The following NUP88 variants were observed in gnomAD, a reference collection of about 807,000 sequenced individuals.
NUP88 encodes the protein nuclear pore complex protein Nup88.
NUP88 carries 57 observed loss-of-function variants against 93.9 expected under a neutral mutation model. That is an observed-to-expected ratio of 0.61 (90% CI 0.49 to 0.76). The LOEUF (loss-of-function observed/expected upper bound fraction) is 0.76. NUP88 is among the 30% of genes least tolerant of loss of function. The pLI is 0.00. For missense variants in NUP88, 911 were observed against 901.0 expected (o/e 1.01, Z -0.14); for synonymous variants, 346 against 336.8 (o/e 1.03, Z -0.30).
intron 5 of NUP88, among the ~76,000 whole-genome samples, chr17:5,407,866 ACT>A (rs1913589358): frequency 6.6e-6 from 1 of 151,912 alleles, no homozygotes. Flanking sequence ...CCAAGTTCAA[ACT>A]CTCATAAATG....
At chr17:5,393,393 G>A (rs1170888091) in intron 9 of NUP88, among the ~76,000 whole-genome samples, 5 of 151,156 alleles carry the variant, frequency 3.3e-5, no homozygotes. Flanking sequence ...ACCATGCCCA[G>A]CCTACATGGG....
At chr17:5,391,307 T>C (rs906046453) in intron 10 of NUP88, among the ~76,000 whole-genome samples, 2 of 152,170 alleles carry the variant, frequency 1.3e-5, no homozygotes, top group Non-Finnish European at 2.9e-5. Context: ...TCAATTTTAG[T>C]ATTTTTTCTC....
In NUP88 at chr17:5,387,607, C is replaced by T. The variant is rs1912106227; in HGVS notation, c.1833G>A (p.Glu611=). Residue 611 remains glutamate, a splice_region_variant and synonymous_variant, in exon 13 of 17, where the codon GAG becomes GAA. Coordinates refer to ENST00000573584, the MANE Select transcript of NUP88 (RefSeq NM_002532.6). ...TTCTTCTTATTTTTGACACTTACCTCTCTTCTCGACAATAACTGAGATCTT... is the reference window on the plus strand; with the variant it reads ...TTCTTCTTATTTTTGACACTTACCTTTCTTCTCGACAATAACTGAGATCTT... The part of the protein sequence containing the change: ...QLEDLSYCRE[E]RKSLREMAER... The T allele has an allele frequency of 6.2e-7, 1 of 1,612,742 alleles. No homozygotes were observed. The highest frequency in any genetic ancestry group is 8.5e-7 in the Non-Finnish European group (1 of 1,179,046).
intron 3 of NUP88, among the ~76,000 whole-genome samples, chr17:5,413,445 C>T (rs55970234): frequency 0.44 from 66,273 of 151,914 alleles, 15,190 homozygotes; most frequent in East Asian, 0.84. Flanking sequence ...ATCTGTACCT[C>T]TGCTGAGTCC....
chr17:5,400,515 A>AC (rs1913094848), intron 7 of NUP88, among the ~76,000 whole-genome samples: 1 of 151,882 alleles, frequency 6.6e-6, no homozygotes, highest in Non-Finnish European at 1.5e-5. Flanking sequence ...AAAAAAAAAA[A>AC]AACTCAATCC....
At position 5,387,118 on chromosome 17, in the gene NUP88, A is replaced by G. The variant is rs1309087051; in HGVS notation, c.1917-8T>C. 1.2e-6 allele frequency: 2 copies of G among 1,612,388 alleles called. No individual in the cohort carries two copies. The highest frequency in any genetic ancestry group is 1.7e-6 in the Non-Finnish European group (2 of 1,179,516). ...TGAAGTAGTTTTTTCATCCTTTAGA[A>G]AAGGCAAGCAAACATCTCAATTTAA... is the stretch of plus-strand genomic sequence containing the variant. On this transcript the variant is annotated splice_region_variant and splice_polypyrimidine_tract_variant and intron_variant, in intron 14 of 16. Coordinates refer to ENST00000573584, the MANE Select transcript of NUP88 (RefSeq NM_002532.6).
At chr17:5,414,214 A>G in intron 2 of NUP88, 80 bp from the exon 3 acceptor site, 1 of 1,327,538 alleles carries the variant, frequency 7.5e-7, no homozygotes, top group South Asian at 1.2e-5. Flanking sequence ...TTTTTTTTGC[A>G]GATGGAGTTT....
intron 6 of NUP88, among the ~76,000 whole-genome samples, chr17:5,404,649 G>GA (rs942522608): frequency 5.9e-5 from 9 of 151,484 alleles, no homozygotes; most frequent in South Asian, 2.1e-4. Context: ...TAAAAAAATT[G>GA]AAAAAAAAGC....
chr17:5,387,611 TCTC>T lies in NUP88; in HGVS notation c.1826_1828del (p.Arg609_Glu610delinsGln), dbSNP rs766044750. 3.6e-5 allele frequency: 58 copies of T among 1,612,974 alleles called. No individual in the cohort carries two copies. The highest frequency in any genetic ancestry group is 4.7e-5 in the Non-Finnish European group (55 of 1,179,318). ...TCTTATTTTTGACACTTACCTCTCT[TCTC>T]GACAATAACTGAGATCTTCTAGTTG... is the stretch of plus-strand genomic sequence containing the variant. On this transcript the variant is annotated inframe_deletion, in exon 13 of 17. Transcript: ENST00000573584.
chr17:5,419,186 G>C (rs1303371634), intron 1 of NUP88, among the ~76,000 whole-genome samples, 168 bp downstream of exon 1: 1 of 152,192 alleles, frequency 6.6e-6, no homozygotes, highest in Non-Finnish European at 1.5e-5. Flanking sequence ...AGGCCTCCAG[G>C]CCGTAAGCAT....
At chr17:5,416,704 T>A (rs1347736696) in intron 1 of NUP88, 22 bp from the exon 2 acceptor site, 1 of 1,582,114 alleles carries the variant, frequency 6.3e-7, no homozygotes, top group Non-Finnish European at 8.6e-7. Context: ...AGCAAACCAG[T>A]CAACATAGTT....
Position 5,399,640 on chromosome 17 carries a change from A to G in NUP88, c.1203T>C (p.Cys401=). The change falls in exon 8 of 17, where the codon TGT becomes TGC. Residue 401 remains cysteine (C), a synonymous_variant. Transcript: ENST00000573584. ...CPVKLHRDPK[C]PSRYHCTHEA... ...CATGAGTACAGTGATATCTTGAAGG[A>G]CACTTGGGATCTGCAAATGGAATGA... The G allele has an allele frequency of 6.3e-7, 1 of 1,586,834 alleles. No homozygotes were observed. Among genetic ancestry groups the G allele is most frequent in the Non-Finnish European group, 8.6e-7 (1 of 1,159,132 alleles).
At position 5,391,571 on chromosome 17, in the gene NUP88, A is replaced by G. The variant is rs145369409; in HGVS notation, c.1474T>C (p.Trp492Arg). Reference protein sequence around the residue: ...CITSTYECLIWPLLSTVHPAS... With the variant: ...CITSTYECLIRPLLSTVHPAS... ...TAAAATGGGACGTACAATAACGGCC[A>G]TATGAGGCATTCATAGGTACTGGTG... Residue 492 changes from tryptophan (W) to arginine (R), a missense_variant, in exon 10 of 17, where the codon TGG becomes CGG. By Grantham distance (101) the Trp-to-Arg change is moderately radical. Coordinates refer to ENST00000573584, the MANE Select transcript of NUP88 (RefSeq NM_002532.6). The G allele has an allele frequency of 3.4e-5, 55 of 1,612,066 alleles. No individual in the cohort carries two copies. The highest frequency in any genetic ancestry group is 1.6e-4 in the Middle Eastern group (1 of 6,082).
intron 3 of NUP88, among the ~76,000 whole-genome samples, chr17:5,411,665 A>C (rs1261154547): frequency 2.0e-5 from 3 of 151,944 alleles, no homozygotes; most frequent in Admixed American, 6.6e-5. Context: ...GAATTTTTTT[A>C]ACCAAAATTA....
intron 8 of NUP88, among the ~76,000 whole-genome samples, chr17:5,397,149 G>C (rs1222244123): frequency 1.3e-5 from 2 of 152,122 alleles, no homozygotes; most frequent in East Asian, 3.9e-4. Context: ...AGACCAGCCT[G>C]GGCAACACGG....
intron 10 of NUP88, among the ~76,000 whole-genome samples, chr17:5,390,181 A>AAAAT (rs1555528177): frequency 0.018 from 2,631 of 147,778 alleles, 43 homozygotes; most frequent in Middle Eastern, 0.042. Context: ...AAAAAAAAAA[A>AAAAT]TATCCAGACA....
chr17:5,387,881 G>T lies in NUP88; in HGVS notation c.1667C>A (p.Pro556His). Residue 556 changes from proline (P) to histidine (H), a missense_variant, in exon 12 of 17, where the codon CCT becomes CAT. Physicochemically the swap from Pro to His is moderately conservative, Grantham distance 77 (BLOSUM62 -2). Coordinates refer to ENST00000573584, the MANE Select transcript of NUP88 (RefSeq NM_002532.6). Reference sequence around the variant, plus strand: ...GAGCTGAAGGCATTCTTCAGGAGGAGGGGCTATGTCCTTTTCAGAAGCTCT... The same window carrying T: ...GAGCTGAAGGCATTCTTCAGGAGGATGGGCTATGTCCTTTTCAGAAGCTCT... ...FLKASEKDIA[P>H]PPEECLQLLS... is the part of the protein sequence containing the mutation. 1 of 1,613,860 alleles carries T rather than the reference G, an allele frequency of 6.2e-7. No homozygotes were observed. The highest frequency in any genetic ancestry group is 8.5e-7 in the Non-Finnish European group (1 of 1,179,802).
chr17:5,413,433 G>A (rs1167402737), intron 3 of NUP88, among the ~76,000 whole-genome samples: 1 of 152,184 alleles, frequency 6.6e-6, no homozygotes, highest in Non-Finnish European at 1.5e-5. Flanking sequence ...AAAACTGAAG[G>A]TATCTGTACC....
At position 5,402,902 on chromosome 17, in the gene NUP88, G is replaced by T. The variant is rs1913255930; in HGVS notation, c.1192+1197C>A. ...CCAGCTACTCCAGAGGCTGAGGTGA[G>T]AGGATTGCTTGAGCCTGGGAGGCAA... On this transcript the variant is annotated intron_variant, in intron 7 of 16. Transcript: ENST00000573584. 2.6e-5 allele frequency among the ~76,000 whole-genome samples: 4 copies of T among 152,078 alleles called. No individual in the cohort carries two copies. In the South Asian group the frequency reaches 8.3e-4, roughly 32 times the overall value.
Sources: gnomAD v4.1 joint callset for allele counts (sites outside exome capture counted in the v4.1 genomes callset) on GRCh38, gnomAD v4.1.1 for gene constraint, MANE v1.5 for transcripts, NCBI Gene and HGNC (gene_info 2026-07-23, HGNC 2026-07-21) for gene names.